The following VWA5A variants were observed in gnomAD, a reference collection of about 807,000 sequenced individuals.
VWA5A encodes von Willebrand factor A domain containing 5A.
VWA5A carries 77 observed loss-of-function variants against 84.6 expected under a neutral mutation model. The ratio of observed to expected loss-of-function variants is 0.91; its 90% confidence interval spans 0.76 to 1.10. The LOEUF (loss-of-function observed/expected upper bound fraction) is 1.10, where lower values mean the gene tolerates loss of function less well. Ranked by LOEUF, VWA5A falls within the 50% of genes least tolerant of loss-of-function variation. The probability of loss-of-function intolerance (pLI) is 0.00; values close to 1 mark genes in which losing one functional copy is unlikely to be tolerated. For synonymous variants in VWA5A, 334 were observed against 350.1 expected (o/e 0.95, Z 0.51); for missense variants, 973 against 963.0 (o/e 1.01, Z -0.14).
At chr11:124,141,484 G>A in intron 15 of VWA5A, 114 bp from the exon 16 acceptor site, 1 of 1,337,916 alleles carries the variant, frequency 7.5e-7, no homozygotes, top group Non-Finnish European at 1.0e-6. Context: ...AGCACAGTAA[G>A]GGTGGTGACT....
intron 11 of VWA5A, among the ~76,000 whole-genome samples, chr11:124,131,891 T>C (rs1865103045): frequency 6.6e-6 from 1 of 152,126 alleles, no homozygotes; most frequent in East Asian, 1.9e-4. Context: ...TATTTTATTC[T>C]GGACCTCAAA....
At chr11:124,138,254 A>C (rs111671982) in intron 15 of VWA5A, among the ~76,000 whole-genome samples, 2 of 152,110 alleles carry the variant, frequency 1.3e-5, no homozygotes. Flanking sequence ...GGCTATTGTG[A>C]ATAGTGCTGA....
chr11:124,135,034 G>A lies in VWA5A; in HGVS notation c.1359G>A (p.Lys453=). The A allele has an allele frequency of 3.1e-6, 5 of 1,611,998 alleles. No individual in the cohort carries two copies. The highest frequency in any genetic ancestry group is 4.2e-6 in the Non-Finnish European group (5 of 1,178,936). The stretch of plus-strand genomic sequence containing the variant: ...CAGGCAAAGACAGGATGCAGTCCAA[G>A]GTGAGGGACAGACTGACTGTGTCTG... The part of the protein sequence containing the change: ...FITGKDRMQS[K]ALRTLKRSLQ... The change falls in exon 12 of 19, where the codon AAG becomes AAA. Residue 453 remains lysine (K), a splice_region_variant and synonymous_variant. Transcript: ENST00000456829.
At chr11:124,135,522 C>CCTTTTTTTT (rs1330618929) in intron 12 of VWA5A, among the ~76,000 whole-genome samples, 2 of 84,316 alleles carry the variant, frequency 2.4e-5, no homozygotes, top group Non-Finnish European at 4.5e-5. Flanking sequence ...GGTGGTATTT[C>CCTTTTTTTT]TTTTTTTTTT....
In VWA5A at chr11:124,141,859, A is replaced by AC. The variant is rs886969214; in HGVS notation, c.2023+124dup. On this transcript the variant is annotated intron_variant, in intron 16 of 18. Coordinates refer to ENST00000456829, the MANE Select transcript of VWA5A (RefSeq NM_001130142.2). ...CAAGAGATGCATGTTTCTCGAAGGG[A>AC]CCCCCCATGCATTGGAAAAGATTCA... is the stretch of plus-strand genomic sequence containing the variant. The AC allele has an allele frequency of 3.0e-5, 41 of 1,353,272 alleles. No individual in the cohort carries two copies. In the East Asian group the frequency reaches 4.1e-4, roughly 13 times the overall value. The allele number at this position is 1,353,272 out of a possible 1,614,324, so 83.8% of individuals were successfully genotyped here.
rs746445256 is a variant in VWA5A at position 124,142,439 on chromosome 11, A to G, written c.2024-3A>G. The G allele has an allele frequency of 6.2e-7, 1 of 1,613,836 alleles. No individual in the cohort carries two copies. The highest frequency in any genetic ancestry group is 2.2e-5 in the East Asian group (1 of 44,880). On this transcript the variant is annotated splice_polypyrimidine_tract_variant and splice_region_variant and intron_variant, in intron 16 of 18. Coordinates refer to ENST00000456829, the MANE Select transcript of VWA5A (RefSeq NM_001130142.2). ...CATTCTTCTCTTTTCTTTCTCCTCA[A>G]AGGCTTTGGAGAGAATCACCTTGTG...
chr11:124,145,148 G>C (rs1860795444), intron 17 of VWA5A, 89 bp from the exon 18 acceptor site: 2 of 1,479,714 alleles, frequency 1.4e-6, no homozygotes, highest in Non-Finnish European at 1.8e-6. Flanking sequence ...GTGACATTTA[G>C]AAGGATGCTA....
At chr11:124,131,260 G>A (rs1409449713) in intron 11 of VWA5A, among the ~76,000 whole-genome samples, 1 of 152,072 alleles carries the variant, frequency 6.6e-6, no homozygotes, top group Non-Finnish European at 1.5e-5. Flanking sequence ...CGGTAATACA[G>A]ATAGCATGGA....
rs975834232 is a variant in VWA5A, at chr11:124,122,865, C to T, written c.761-95C>T. ...TCACAGTGTTTTAGATTTGAGTTTT[C>T]CTAGCTCTTAATTGAATTCACTACC... On this transcript the variant is annotated intron_variant, in intron 7 of 18. Transcript: ENST00000456829. 15 of 1,309,046 alleles carry T rather than the reference C, an allele frequency of 1.1e-5. No homozygotes were observed. The African/African-American group carries it at 1.9e-4, about 17-fold the overall frequency. 81.1% of individuals were successfully genotyped at this position (1,309,046 alleles called of 1,614,324 possible). A position where few individuals can be genotyped will look rare whatever the true frequency, so the allele number is the denominator to read the frequency against.
chr11:124,136,886 C>T (rs1159065706), intron 14 of VWA5A, 129 bp from the exon 15 acceptor site: 1 of 1,334,106 alleles, frequency 7.5e-7, no homozygotes. Context: ...TTCTAAACCA[C>T]CCAAGTCTTC....
rs374144393 is a variant in VWA5A at position 124,117,627 on chromosome 11, G to A, written c.44-46G>A. 4.8e-5 allele frequency: 78 copies of A among 1,613,958 alleles called. No homozygotes were observed. The African/African-American group carries it at 9.2e-4, about 19-fold the overall frequency. ...ATCACAAGGCTTGATCTACAAGGAG[G>A]CAATCTATTGAAGCTTGATGAACTT... On this transcript the variant is annotated intron_variant, in intron 3 of 18. Coordinates refer to ENST00000456829, the MANE Select transcript of VWA5A (RefSeq NM_001130142.2).
At position 124,145,340 on chromosome 11, in the gene VWA5A, T is replaced by C; in HGVS notation, c.2258T>C (p.Val753Ala). 1.2e-6 allele frequency: 2 copies of C among 1,613,694 alleles called. No homozygotes were observed. Among genetic ancestry groups the C allele is most frequent in the East Asian group, 4.5e-5 (2 of 44,856 alleles). Residue 753 changes from valine (V) to alanine (A), a missense_variant, in exon 18 of 19, where the codon GTG becomes GCG. Coordinates refer to ENST00000456829, the MANE Select transcript of VWA5A (RefSeq NM_001130142.2). Reference protein sequence around the residue: ...CEWELLERKAVAWMRAHAGST... With the variant: ...CEWELLERKAAAWMRAHAGST... ...TGGGAGCTTCTGGAAAGGAAGGCCG[T>C]GGCCTGGATGCGTGCCCATGCAGGT...
At chr11:124,142,170 C>A (rs1377968833) in intron 16 of VWA5A, among the ~76,000 whole-genome samples, 7 of 152,138 alleles carry the variant, frequency 4.6e-5, no homozygotes, top group African/African-American at 1.4e-4. Flanking sequence ...TCGAACAAAC[C>A]CCCTTGGCCA....
In VWA5A at chr11:124,146,894, C is replaced by G. The variant is rs1288230809; in HGVS notation, c.*949C>G. On this transcript the variant is annotated 3_prime_UTR_variant, in exon 19 of 19. Coordinates refer to ENST00000456829, the MANE Select transcript of VWA5A (RefSeq NM_001130142.2). ...TGTATCAATATTAAAATGACTATTT[C>G]TACCCTTTGATGAGTAAATGCAGTG... 1 of 164,812 alleles carries G rather than the reference C, an allele frequency of 6.1e-6. No homozygotes were observed. The highest frequency in any genetic ancestry group is 1.5e-5 in the Non-Finnish European group (1 of 68,104). 10.2% of individuals were successfully genotyped at this position (164,812 alleles called of 1,614,324 possible).
intron 17 of VWA5A, among the ~76,000 whole-genome samples, chr11:124,143,965 C>A (rs879265921): frequency 6.6e-6 from 1 of 151,450 alleles, no homozygotes; most frequent in Non-Finnish European, 1.5e-5. Context: ...TAGTTGAAAA[C>A]CTATGGCGCT....
At chr11:124,134,215 A>C (rs1865139181) in intron 11 of VWA5A, among the ~76,000 whole-genome samples, 3 of 152,208 alleles carry the variant, frequency 2.0e-5, no homozygotes, top group Admixed American at 2.0e-4. Context: ...TAGAGCATTG[A>C]TCCTAATGCT....
At chr11:124,135,247 C>T (rs1591363304) in intron 12 of VWA5A, among the ~76,000 whole-genome samples, 1 of 152,170 alleles carries the variant, frequency 6.6e-6, no homozygotes, top group South Asian at 2.1e-4. Flanking sequence ...GACATCTGGT[C>T]CCAGTAGCTG....
chr11:124,122,449 AC>A (rs1407943319), intron 7 of VWA5A, among the ~76,000 whole-genome samples: 1 of 152,224 alleles, frequency 6.6e-6, no homozygotes, highest in African/African-American at 2.4e-5. Context: ...AGACAGACTT[AC>A]CTTGGTGGGT....
At chr11:124,122,231 A>G (rs1372017081) in intron 7 of VWA5A, among the ~76,000 whole-genome samples, 1 of 152,148 alleles carries the variant, frequency 6.6e-6, no homozygotes, top group African/African-American at 2.4e-5. Flanking sequence ...TTGCATCTCT[A>G]TCTCAATACT....
Sources: gnomAD v4.1 joint callset for allele counts (sites outside exome capture counted in the v4.1 genomes callset) on GRCh38, gnomAD v4.1.1 for gene constraint, MANE v1.5 for transcripts, NCBI Gene and HGNC (gene_info 2026-07-23, HGNC 2026-07-21) for gene names.